Variants in SPOCK3 observed in about 807,000 individuals in gnomAD.
The protein encoded by SPOCK3 is SPARC (osteonectin), cwcv and kazal like domains proteoglycan 3.
SPOCK3 carries 30 observed loss-of-function variants against 56.6 expected under a neutral mutation model. The ratio of observed to expected loss-of-function variants is 0.53; its 90% CI spans 0.40 to 0.72. The LOEUF is 0.72. SPOCK3 is among the 30% of genes least tolerant of loss of function. SPOCK3 has a pLI of 0.00. For synonymous variants in SPOCK3, 196 were observed against 183.3 expected (o/e 1.07, Z -0.56); for missense variants, 527 against 530.0 (o/e 0.99, Z 0.06).
rs149618443 is a variant in SPOCK3 at position 166,835,225 on chromosome 4, C to T, written c.590-42936G>A. 6.6e-5 allele frequency among the ~76,000 whole-genome samples: 10 copies of T among 152,208 alleles called. No individual in the cohort carries two copies. The East Asian group carries it at 1.9e-3, about 29-fold the overall frequency. The stretch of plus-strand genomic sequence containing the variant: ...AGAGTGTAAAGAACTATTATCATTG[C>T]TGAGATTATTTCTTCCTACAATTTA... On this transcript the variant is annotated intron_variant, in intron 6 of 10. Coordinates refer to ENST00000357545, the MANE Select transcript of SPOCK3 (RefSeq NM_001040159.2).
chr4:166,939,152 C>T lies in SPOCK3; in HGVS notation c.351-26409G>A, dbSNP rs1579721248. ...GATTCTTTCTTTTTCCAAAGTGACC[C>T]TCAGAAAGAAAGGATGGATTTTAGT... is the stretch of plus-strand genomic sequence containing the variant. On this transcript the variant is annotated intron_variant, in intron 4 of 10. Transcript: ENST00000357545. 2.0e-5 allele frequency among the ~76,000 whole-genome samples: 3 copies of T among 151,982 alleles called. No individual in the cohort carries two copies. The East Asian group carries it at 5.8e-4, about 29-fold the overall frequency.
chr4:166,903,141 A>G (rs908487349), intron 5 of SPOCK3, among the ~76,000 whole-genome samples: 28 of 147,288 alleles, frequency 1.9e-4, no homozygotes, highest in African/African-American at 6.9e-4. Flanking sequence ...AATTATAAAT[A>G]ATTTATAATT....
chr4:166,842,178 G>T (rs1263968177), intron 6 of SPOCK3, among the ~76,000 whole-genome samples: 3 of 152,208 alleles, frequency 2.0e-5, no homozygotes, highest in African/African-American at 7.2e-5. Flanking sequence ...GTGAGCAGCA[G>T]CAAGATTTAT....
intron 2 of SPOCK3, among the ~76,000 whole-genome samples, chr4:167,206,437 A>C (rs35781521): frequency 0.04 from 6,150 of 152,236 alleles, 168 homozygotes; most frequent in Middle Eastern, 0.075. Flanking sequence ...CTGCAAACAA[A>C]ATTTAATGAA....
rs145756849 is a variant in SPOCK3 at position 167,024,152 on chromosome 4, C to T, written c.236-23689G>A. On this transcript the variant is annotated intron_variant, in intron 3 of 10. Transcript: ENST00000357545. Reference sequence around the variant, plus strand: ...TTTCTCTGTTGCTAGATCCTGGGTGCTTCACCATCCTTTCTTGGATCCCTT... The same window carrying T: ...TTTCTCTGTTGCTAGATCCTGGGTGTTTCACCATCCTTTCTTGGATCCCTT... Among the ~76,000 whole-genome samples the T allele has an allele frequency of 5.9e-3, 897 of 152,086 alleles. 13 individuals are homozygous for T. Among genetic ancestry groups the T allele is most frequent in the African/African-American group, 0.02 (851 of 41,540 alleles).
At chr4:167,121,883 T>A (rs1455002692) in intron 2 of SPOCK3, among the ~76,000 whole-genome samples, 8 of 152,112 alleles carry the variant, frequency 5.3e-5, no homozygotes, top group Non-Finnish European at 1.0e-4. Context: ...TTAATAAAAC[T>A]ATTATAAGTG....
intron 3 of SPOCK3, among the ~76,000 whole-genome samples, chr4:167,028,509 A>T (rs1751941651): frequency 6.6e-6 from 1 of 152,042 alleles, no homozygotes; most frequent in Non-Finnish European, 1.5e-5. Context: ...TACAGACTTG[A>T]GGGCCCCTTA....
At chr4:166,819,950 G>A (rs1744757272) in intron 6 of SPOCK3, among the ~76,000 whole-genome samples, 2 of 151,892 alleles carry the variant, frequency 1.3e-5, no homozygotes, top group Non-Finnish European at 2.9e-5. Flanking sequence ...TTGAACTCCT[G>A]GCCTCAAGTG....
intron 2 of SPOCK3, among the ~76,000 whole-genome samples, chr4:167,111,410 C>T (rs1242835163): frequency 6.6e-6 from 1 of 152,048 alleles, no homozygotes; most frequent in Non-Finnish European, 1.5e-5. Context: ...ATGAGGCCCT[C>T]ACTGACAGGA....
intron 2 of SPOCK3, among the ~76,000 whole-genome samples, chr4:167,080,886 T>C (rs1757645374): frequency 6.7e-6 from 1 of 149,826 alleles, no homozygotes; most frequent in African/African-American, 2.4e-5. Context: ...TTCTTTTTTT[T>C]TTTTTTTTTT....
At chr4:166,765,180 CTT>C (rs768510587) in intron 7 of SPOCK3, among the ~76,000 whole-genome samples, 4 of 151,328 alleles carry the variant, frequency 2.6e-5, no homozygotes, top group Non-Finnish European at 4.4e-5. Flanking sequence ...CTGTGAAGCT[CTT>C]TAGTTTAATT....
intron 3 of SPOCK3, among the ~76,000 whole-genome samples, chr4:167,016,610 A>C (rs1257769088): frequency 1.3e-5 from 2 of 150,458 alleles, no homozygotes; most frequent in African/African-American, 4.9e-5. Flanking sequence ...GCGCGATCTC[A>C]GCTCATTGCA....
intron 7 of SPOCK3, among the ~76,000 whole-genome samples, chr4:166,776,969 G>T (rs1739616880): frequency 6.6e-6 from 1 of 152,254 alleles, no homozygotes. Flanking sequence ...AGGACATTGA[G>T]AAAACATTTT....
chr4:167,143,273 A>C (rs1763679280), intron 2 of SPOCK3, among the ~76,000 whole-genome samples: 1 of 151,948 alleles, frequency 6.6e-6, no homozygotes, highest in Non-Finnish European at 1.5e-5. Flanking sequence ...TGCCAAATAT[A>C]CTTTTGTCCT....
chr4:166,839,277 G>A (rs936184627), intron 6 of SPOCK3, among the ~76,000 whole-genome samples: 2 of 152,122 alleles, frequency 1.3e-5, no homozygotes, highest in Non-Finnish European at 2.9e-5. Context: ...TCCTGGTTAT[G>A]GATGAGTGAG....
chr4:167,052,182 A>G (rs1223596063), intron 3 of SPOCK3, among the ~76,000 whole-genome samples: 1 of 152,218 alleles, frequency 6.6e-6, no homozygotes, highest in African/African-American at 2.4e-5. Flanking sequence ...GCTATGGTGT[A>G]AAACAAATAA....
At chr4:167,068,242 C>A (rs756875319) in intron 2 of SPOCK3, among the ~76,000 whole-genome samples, 3 of 151,188 alleles carry the variant, frequency 2.0e-5, no homozygotes, top group East Asian at 3.9e-4. Context: ...GGGAAAAGAC[C>A]AAGCTTTTAG....
chr4:167,133,083 C>A (rs886298232), intron 2 of SPOCK3, among the ~76,000 whole-genome samples: 1 of 152,092 alleles, frequency 6.6e-6, no homozygotes. Context: ...TGAAATATGT[C>A]CACATCCTAA....
At chr4:166,940,621 CT>C (rs749937675) in intron 4 of SPOCK3, among the ~76,000 whole-genome samples, 9 of 151,340 alleles carry the variant, frequency 5.9e-5, no homozygotes, top group Non-Finnish European at 1.3e-4. Flanking sequence ...TAAAAAACCC[CT>C]AGGAAGAGAT....
Sources: allele counts gnomAD v4.1 joint callset (sites outside exome capture counted in the v4.1 genomes callset), GRCh38; gene constraint gnomAD v4.1.1; transcripts MANE v1.5; gene names NCBI Gene and HGNC (gene_info 2026-07-23, HGNC 2026-07-21).